Variants in IL16 observed in about 807,000 individuals in gnomAD.
IL16 encodes the protein pro-interleukin-16.
IL16 carries 67 observed loss-of-function variants against 110.1 expected under a neutral mutation model. That is an observed-to-expected ratio of 0.61 (90% confidence interval 0.50 to 0.75). IL16 has a LOEUF of 0.75. IL16 is among the 30% of genes least tolerant of loss of function. The probability of loss-of-function intolerance (pLI) is 0.00; values close to 1 mark genes in which losing one functional copy is unlikely to be tolerated. For synonymous variants in IL16, 689 were observed against 662.9 expected, an observed-to-expected ratio of 1.04 and a Z score of -0.61; for missense variants, 1,545 against 1,655.0, an observed-to-expected ratio of 0.93 and a Z score of 1.15.
At chr15:81,298,892 C>T (rs1024086476) in intron 13 of IL16, among the ~76,000 whole-genome samples, 16 of 152,304 alleles carry the variant, frequency 1.1e-4, no homozygotes, top group Non-Finnish European at 1.5e-4. Flanking sequence ...TTTAATGACA[C>T]GGGTAGGTCA....
intron 1 of IL16, among the ~76,000 whole-genome samples, chr15:81,186,071 C>G (rs961082661): frequency 3.4e-4 from 51 of 152,116 alleles, no homozygotes; most frequent in Admixed American, 6.5e-5. Flanking sequence ...CTCTGTTCCC[C>G]ACATCTGGCA....
intron 1 of IL16, among the ~76,000 whole-genome samples, chr15:81,204,439 G>A (rs1411659711): frequency 1.3e-5 from 2 of 152,048 alleles, no homozygotes; most frequent in African/African-American, 4.8e-5. Flanking sequence ...TGCCCATTCA[G>A]TATGATATTG....
intron 11 of IL16, 118 bp downstream of exon 11, chr15:81,290,658 A>G: frequency 1.6e-6 from 1 of 607,616 alleles, no homozygotes; most frequent in Non-Finnish European, 2.8e-6. Flanking sequence ...ATAGACCAGC[A>G]TAGTATGTAG....
chr15:81,306,069 C>T lies in IL16; in HGVS notation c.3582C>T (p.Val1194=). The T allele has an allele frequency of 6.2e-7, 1 of 1,614,202 alleles. No homozygotes were observed. The highest frequency in any genetic ancestry group is 8.5e-7 in the Non-Finnish European group (1 of 1,180,050). Residue 1194 remains valine (V), a synonymous_variant, in exon 17 of 19, where the codon GTC becomes GTT. Coordinates refer to ENST00000683961, the MANE Select transcript of IL16 (RefSeq NM_172217.5). The part of the protein sequence containing the change: ...QAREPRQAVI[V]TRKLTPEAMP... Reference sequence around the variant, plus strand: ...GAGAGCCCAGGCAAGCTGTGATTGTCACAAGGAAGCTGACTCCAGAGGCCA... The same window carrying T: ...GAGAGCCCAGGCAAGCTGTGATTGTTACAAGGAAGCTGACTCCAGAGGCCA...
At chr15:81,182,926 G>A (rs1249939307) in intron 1 of IL16, 1 of 1,275,662 alleles carries the variant, frequency 7.8e-7, no homozygotes, top group East Asian at 5.6e-5. Flanking sequence ...CTATCCCAGG[G>A]GACTCAGGGG....
chr15:81,197,256 C>T (rs879233824), intron 1 of IL16, 104 bp downstream of exon 1: 9 of 688,140 alleles, frequency 1.3e-5, no homozygotes, highest in African/African-American at 1.9e-5. Context: ...GTTGCTAGGA[C>T]GTAACTTCAT....
At chr15:81,293,110 G>A in intron 12 of IL16, 73 bp downstream of exon 12, 1 of 1,484,496 alleles carries the variant, frequency 6.7e-7, no homozygotes, top group East Asian at 2.3e-5. Context: ...AAATTAGCAA[G>A]TTAGTGTTAG....
Position 81,292,596 on chromosome 15 carries a change from C to T in IL16, c.1461C>T (p.Thr487=). The change falls in exon 12 of 19, where the codon ACC becomes ACT. Residue 487 remains threonine, a synonymous_variant. Transcript: ENST00000683961. ...RLESSWHGRP[T]LEKEREKNSA... is the part of the protein sequence containing the mutation. Reference sequence around the variant, plus strand: ...AAAGCAGTTGGCACGGGCGGCCCACCTTGGAGAAGGAACGAGAGAAGAACT... The same window carrying T: ...AAAGCAGTTGGCACGGGCGGCCCACTTTGGAGAAGGAACGAGAGAAGAACT... 12 of 1,605,954 alleles carry T rather than the reference C, an allele frequency of 7.5e-6. No individual in the cohort carries two copies. Among genetic ancestry groups the T allele is most frequent in the Non-Finnish European group, 1.0e-5 (12 of 1,173,428 alleles).
chr15:81,313,642 C>G lies in IL16; in HGVS notation c.*4844C>G. ...TCCCGGCCTCCAGGGAGGAAGAAGTCCCTACTCCCAGCCCAAAAACCCAGT... is the reference window on the plus strand; with the variant it reads ...TCCCGGCCTCCAGGGAGGAAGAAGTGCCTACTCCCAGCCCAAAAACCCAGT... On this transcript the variant is annotated 3_prime_UTR_variant, in exon 19 of 19. Coordinates refer to ENST00000683961, the MANE Select transcript of IL16 (RefSeq NM_172217.5). 1 of 325,160 alleles carries G rather than the reference C, an allele frequency of 3.1e-6. No individual in the cohort carries two copies. The highest frequency in any genetic ancestry group is 5.0e-5 in the Admixed American group (1 of 20,100). 20.1% of individuals were successfully genotyped at this position (325,160 alleles called of 1,614,324 possible). A position where few individuals can be genotyped will look rare whatever the true frequency, so the allele number is the denominator to read the frequency against.
At chr15:81,295,745 C>G (rs1899953043) in intron 12 of IL16, among the ~76,000 whole-genome samples, 1 of 152,214 alleles carries the variant, frequency 6.6e-6, no homozygotes. Flanking sequence ...AGGCAATGCT[C>G]TGTGAATACA....
At chr15:81,295,286 A>G in intron 12 of IL16, 1 of 909,782 alleles carries the variant, frequency 1.1e-6, no homozygotes. Context: ...TGGTTCCAGG[A>G]AACACTAGTA....
chr15:81,248,508 A>T (rs1897645574), intron 2 of IL16, among the ~76,000 whole-genome samples: 1 of 146,562 alleles, frequency 6.8e-6, no homozygotes, highest in Non-Finnish European at 1.5e-5. Flanking sequence ...TAAAATTATT[A>T]AAAATTATCT....
intron 5 of IL16, among the ~76,000 whole-genome samples, chr15:81,271,374 G>T (rs1055168083): frequency 6.6e-6 from 1 of 152,164 alleles, no homozygotes; most frequent in African/African-American, 2.4e-5. Flanking sequence ...CCAGGAGGCT[G>T]AGGTGGGAGG....
At chr15:81,233,144 A>T (rs1189316278) in intron 2 of IL16, among the ~76,000 whole-genome samples, 6 of 152,108 alleles carry the variant, frequency 3.9e-5, no homozygotes, top group Non-Finnish European at 8.8e-5. Flanking sequence ...TATTAGCATG[A>T]AGTTGTTAAT....
chr15:81,259,532 C>A (rs181198117), intron 2 of IL16, among the ~76,000 whole-genome samples: 2 of 152,128 alleles, frequency 1.3e-5, no homozygotes, highest in African/African-American at 2.4e-5. Context: ...CAATTTGTGT[C>A]GCATTAGTTT....
At chr15:81,219,410 G>A (rs187515022) in intron 1 of IL16, among the ~76,000 whole-genome samples, 30 of 152,000 alleles carry the variant, frequency 2.0e-4, no homozygotes, top group African/African-American at 4.3e-4. Flanking sequence ...TCCTTCTTGC[G>A]ATTGACTATA....
At position 81,242,959 on chromosome 15, in the gene IL16, A is replaced by G. The variant is rs140685860; in HGVS notation, c.313-16813A>G. On this transcript the variant is annotated intron_variant, in intron 2 of 18. Transcript: ENST00000683961. ...TTGGTCAAAAAATTTTTTTGCATTC[A>G]TTGATATGATCATGTGATTCTTCTT... Among the ~76,000 whole-genome samples, 1,268 of 151,304 alleles carry G rather than the reference A, an allele frequency of 8.4e-3. 11 individuals are homozygous for G. Among genetic ancestry groups the G allele is most frequent in the African/African-American group, 0.019 (804 of 41,294 alleles).
chr15:81,298,196 C>A (rs1476306933), intron 13 of IL16, among the ~76,000 whole-genome samples: 1 of 152,242 alleles, frequency 6.6e-6, no homozygotes, highest in African/African-American at 2.4e-5. Flanking sequence ...CTCACTTGCC[C>A]AAGGCCAGTC....
chr15:81,195,007 G>A (rs1456448865), upstream of IL16, among the ~76,000 whole-genome samples: 1 of 152,062 alleles, frequency 6.6e-6, no homozygotes, highest in African/African-American at 2.4e-5. Context: ...TGGAGTGTTG[G>A]GCAGGGTGGA....
Sources: gnomAD v4.1 joint callset for allele counts (sites outside exome capture counted in the v4.1 genomes callset) on GRCh38, gnomAD v4.1.1 for gene constraint, MANE v1.5 for transcripts, NCBI Gene and HGNC (gene_info 2026-07-23, HGNC 2026-07-21) for gene names.